Variants in SLC12A7 observed in about 807,000 individuals in gnomAD.
SLC12A7 encodes K-Cl cotransporter 4.
SLC12A7 carries 100 observed loss-of-function variants against 120.6 expected under a neutral mutation model. The ratio of observed to expected loss-of-function variants is 0.83; its 90% confidence interval spans 0.71 to 0.98. The LOEUF (loss-of-function observed/expected upper bound fraction) is 0.98, where lower values mean the gene tolerates loss of function less well. Among genes scored for constraint, SLC12A7 ranks in the 50% least tolerant of loss-of-function variants. The pLI is 0.00. For missense variants in SLC12A7, 1,373 were observed against 1,548.1 expected, an observed-to-expected ratio of 0.89 and a Z score of 1.90; for synonymous variants, 760 against 678.0, an observed-to-expected ratio of 1.12 and a Z score of -1.88.
intron 22 of SLC12A7, chr5:1,056,678 G>C (rs1347202336): frequency 1.4e-6 from 1 of 720,986 alleles, no homozygotes; most frequent in Non-Finnish European, 1.7e-6. Flanking sequence ...GGCTGCCCAG[G>C]AGGACGCCGC....
At chr5:1,110,482 A>T (rs943068874) in intron 1 of SLC12A7, among the ~76,000 whole-genome samples, 2 of 152,270 alleles carry the variant, frequency 1.3e-5, no homozygotes, top group Non-Finnish European at 2.9e-5. Context: ...ACGAACAAGC[A>T]CAAAATTCTC....
chr5:1,085,333 A>G lies in SLC12A7; in HGVS notation c.816T>C (p.Tyr272=), dbSNP rs1208744654. The G allele has an allele frequency of 6.2e-7, 1 of 1,612,460 alleles. No homozygotes were observed. The highest frequency in any genetic ancestry group is 8.5e-7 in the Non-Finnish European group (1 of 1,179,840). The change falls in exon 7 of 24, where the codon TAT becomes TAC. Residue 272 remains tyrosine (Y), a synonymous_variant. Coordinates refer to ENST00000264930, the MANE Select transcript of SLC12A7 (RefSeq NM_006598.3). Reference sequence around the variant, plus strand: ...GGAAGACCAGCGCCAGCTTGTTGACATACTTGACGCCCACGAAGACCACCA... The same window carrying G: ...GGAAGACCAGCGCCAGCTTGTTGACGTACTTGACGCCCACGAAGACCACCA... The part of the protein sequence containing the change: ...MALVVFVGVK[Y]VNKLALVFLA...
chr5:1,086,928 A>G lies in SLC12A7; in HGVS notation c.650T>C (p.Ile217Thr). The part of the protein sequence containing the change: ...LGTTFAGAMY[I>T]LGTIEIFLTY... ...CAGAAAAATCTCGATGGTCCCCAAA[A>G]TATACATGGCCCCTGCAAACGTCGT... is the stretch of plus-strand genomic sequence containing the variant. Residue 217 changes from isoleucine (I) to threonine (T), a missense_variant, in exon 6 of 24, where the codon ATT (isoleucine) becomes ACT (threonine). Coordinates refer to ENST00000264930, the MANE Select transcript of SLC12A7 (RefSeq NM_006598.3). 6.2e-7 allele frequency: 1 copy of G among 1,612,842 alleles called. No homozygotes were observed. The highest frequency in any genetic ancestry group is 1.1e-5 in the South Asian group (1 of 91,076).
At chr5:1,075,993 G>C in intron 14 of SLC12A7, 145 bp downstream of exon 14, 1 of 651,472 alleles carries the variant, frequency 1.5e-6, no homozygotes, top group Non-Finnish European at 2.6e-6. Flanking sequence ...GGGGTCTTCA[G>C]GCCCAGAGCA....
chr5:1,068,938 G>T (rs538240106), intron 17 of SLC12A7, among the ~76,000 whole-genome samples: 1 of 152,254 alleles, frequency 6.6e-6, no homozygotes, highest in Non-Finnish European at 1.5e-5. Context: ...TAGAATCCAC[G>T]CCAGCAGGGC....
At chr5:1,074,072 G>A (rs777048814) in intron 16 of SLC12A7, among the ~76,000 whole-genome samples, 2 of 152,126 alleles carry the variant, frequency 1.3e-5, no homozygotes, top group African/African-American at 4.8e-5. Context: ...TAGCCAGGCA[G>A]GACAGGAGAA....
chr5:1,068,728 C>T (rs916113194), intron 17 of SLC12A7, among the ~76,000 whole-genome samples: 1 of 152,276 alleles, frequency 6.6e-6, no homozygotes, highest in African/African-American at 2.4e-5. Flanking sequence ...GAAGGGCTGT[C>T]GGACGGAGAG....
Position 1,057,579 on chromosome 5 carries a change from G to A in SLC12A7, c.2918C>T (p.Thr973Met), listed in dbSNP as rs145170517. The A allele has an allele frequency of 1.6e-5, 25 of 1,611,724 alleles. 1 individual carries two copies. Among genetic ancestry groups the A allele is most frequent in the African/African-American group, 9.3e-5 (7 of 74,930 alleles). The change falls in exon 22 of 24, where the codon ACG (threonine) becomes ATG (methionine). Residue 973 changes from threonine (T) to methionine (M), a missense_variant. Coordinates refer to ENST00000264930, the MANE Select transcript of SLC12A7 (RefSeq NM_006598.3). ...CCAGGTCATCTGCACCTTGTCTGGC[G>A]TAGGCGGCGCTTGGGTCCTGGCTGC... is the stretch of plus-strand genomic sequence containing the variant. ...AAAARTQAPP[T>M]PDKVQMTWTR...
At chr5:1,107,929 G>A (rs1380099397) in intron 1 of SLC12A7, among the ~76,000 whole-genome samples, 1 of 152,174 alleles carries the variant, frequency 6.6e-6, no homozygotes, top group Non-Finnish European at 1.5e-5. Flanking sequence ...GCCTAGACCA[G>A]GGGGAGGGAA....
chr5:1,052,384 C>T lies in SLC12A7; in HGVS notation c.3228G>A (p.Arg1076=). 1 of 1,612,886 alleles carries T rather than the reference C, an allele frequency of 6.2e-7. No individual in the cohort carries two copies. Among genetic ancestry groups the T allele is most frequent in the South Asian group, 1.1e-5 (1 of 91,088 alleles). The part of the protein sequence containing the change: ...NRVLLVRGGG[R]EVITIYS ...ATTAGGAGTAGATGGTGATCACCTC[C>T]CGGCCGCCACCCCTGACCAGGAGGA... The change falls in exon 24 of 24, where the codon CGG becomes CGA. Residue 1076 remains arginine, a synonymous_variant. Transcript: ENST00000264930.
At chr5:1,079,926 C>T (rs776321138) in intron 9 of SLC12A7, among the ~76,000 whole-genome samples, 5 of 152,246 alleles carry the variant, frequency 3.3e-5, no homozygotes, top group Non-Finnish European at 7.3e-5. Context: ...GCTGCGACCC[C>T]TCCCGCTGTG....
chr5:1,140,153 T>A, the SLC12A7 span, among the ~76,000 whole-genome samples: 1 of 152,280 alleles, frequency 6.6e-6, no homozygotes, highest in African/African-American at 2.4e-5. Flanking sequence ...CCAGAAACGC[T>A]GTTTCCCATC....
chr5:1,121,734 A>G, the SLC12A7 span, among the ~76,000 whole-genome samples: 1 of 152,090 alleles, frequency 6.6e-6, no homozygotes, highest in African/African-American at 2.4e-5. Context: ...CGCCCCAGCC[A>G]TGCCCAGCAC....
intron 18 of SLC12A7, among the ~76,000 whole-genome samples, chr5:1,064,705 T>A (rs1209657775): frequency 9.6e-6 from 1 of 104,132 alleles, no homozygotes. Context: ...GAGGGGACGG[T>A]GAGGGGACAG....
intron 13 of SLC12A7, 102 bp from the exon 14 acceptor site, chr5:1,076,338 C>T (rs951653649): frequency 5.3e-5 from 47 of 885,464 alleles, no homozygotes; most frequent in South Asian, 8.3e-5. Context: ...CTCCCACCTG[C>T]GCCTTGTCTC....
At chr5:1,108,129 G>A (rs1382002180) in intron 1 of SLC12A7, among the ~76,000 whole-genome samples, 1 of 152,142 alleles carries the variant, frequency 6.6e-6, no homozygotes, top group African/African-American at 2.4e-5. Context: ...TATACACAGT[G>A]CAAGCACATG....
upstream of SLC12A7, among the ~76,000 whole-genome samples, chr5:1,114,837 C>G (rs1409686848): frequency 2.6e-5 from 4 of 152,124 alleles, no homozygotes; most frequent in Non-Finnish European, 4.4e-5. Flanking sequence ...ATGTCTGAAT[C>G]GACAGATTCA....
At chr5:1,100,904 C>T (rs1180837984) in intron 1 of SLC12A7, among the ~76,000 whole-genome samples, 1 of 152,210 alleles carries the variant, frequency 6.6e-6, no homozygotes, top group Non-Finnish European at 1.5e-5. Flanking sequence ...CAGAAAAGCA[C>T]ACCCGGGAAG....
the SLC12A7 span, among the ~76,000 whole-genome samples, chr5:1,153,741 C>T: frequency 6.6e-6 from 1 of 152,208 alleles, no homozygotes; most frequent in Admixed American, 6.5e-5. Flanking sequence ...TGCAGAATCA[C>T]CAGCTCCTTT....
Sources: allele counts gnomAD v4.1 joint callset (sites outside exome capture counted in the v4.1 genomes callset), GRCh38; gene constraint gnomAD v4.1.1; transcripts MANE v1.5; gene names NCBI Gene and HGNC (gene_info 2026-07-23, HGNC 2026-07-21).